OTOF: variants seen among roughly 807,000 people sequenced by gnomAD.
OTOF encodes the protein otoferlin.
A neutral mutation model predicts 236.8 loss-of-function variants in OTOF; 218 were observed. That is an observed-to-expected ratio of 0.92 (90% CI 0.82 to 1.03). The LOEUF (loss-of-function observed/expected upper bound fraction) is 1.03, where lower values mean the gene tolerates loss of function less well. Among genes scored for constraint, OTOF ranks in the 50% least tolerant of loss-of-function variants. The pLI is 0.00. For missense variants in OTOF, 2,590 were observed against 2,694.4 expected (o/e 0.96, Z 0.86); for synonymous variants, 1,041 against 1,072.5 (o/e 0.97, Z 0.57).
At chr2:26,498,557 A>G (rs1666044156) in intron 8 of OTOF, among the ~76,000 whole-genome samples, 1 of 152,190 alleles carries the variant, frequency 6.6e-6, no homozygotes, top group Non-Finnish European at 1.5e-5. Flanking sequence ...CAATTTTTCC[A>G]GGGTGGAAGA....
intron 24 of OTOF, 118 bp from the exon 25 acceptor site, chr2:26,475,611 T>A: frequency 8.7e-7 from 1 of 1,149,552 alleles, no homozygotes; most frequent in Non-Finnish European, 1.3e-6. Flanking sequence ...GTGACAGGTG[T>A]CTTGATTCTT....
chr2:26,462,118 G>A lies in OTOF; in HGVS notation c.5256C>T (p.Phe1752=), dbSNP rs367558375. ...DEVVLEDDDF[F]TGEKSSDIFV... is the part of the protein sequence containing the mutation. ...AGATGTCACTGGACTTCTCCCCTGTGAAGAAGTCGTCGTCCTCCAAGACCA... is the reference window on the plus strand; with the variant it reads ...AGATGTCACTGGACTTCTCCCCTGTAAAGAAGTCGTCGTCCTCCAAGACCA... The change falls in exon 42 of 47, where the codon TTC becomes TTT. Residue 1752 remains phenylalanine, a synonymous_variant. Transcript: ENST00000272371. This position sits in a 1 kb window ranked among gnomAD's most constrained non-coding sequence, Gnocchi z 4.7. The A allele has an allele frequency of 6.2e-6, 10 of 1,613,812 alleles. No individual in the cohort carries two copies. The African/African-American group carries it at 8.0e-5, about 13-fold the overall frequency.
rs1483062041 is a variant in OTOF, at chr2:26,480,873, G to A, written c.1716C>T (p.Gly572=). The A allele has an allele frequency of 3.1e-6, 5 of 1,613,000 alleles. No individual in the cohort carries two copies. The highest frequency in any genetic ancestry group is 3.3e-5 in the Admixed American group (2 of 60,020). Residue 572 remains glycine (G), a synonymous_variant, in exon 15 of 47, where the codon GGC becomes GGT. Coordinates refer to ENST00000272371, the MANE Select transcript of OTOF (RefSeq NM_194248.3). ...GVSFRARLLL[G]LAVEIVDTSN... is the part of the protein sequence containing the mutation. The stretch of plus-strand genomic sequence containing the variant: ...AGGTGTCTACGATCTCCACAGCCAG[G>A]CCCAGCAGGAGCCGGGCCCGGAAGG...
At chr2:26,536,945 G>A (rs1220142659) in intron 2 of OTOF, among the ~76,000 whole-genome samples, 1 of 152,210 alleles carries the variant, frequency 6.6e-6, no homozygotes, top group Non-Finnish European at 1.5e-5. Flanking sequence ...TGTGTGTGAG[G>A]ATAGGGCTCC....
chr2:26,459,922 G>A (rs1664377151), intron 46 of OTOF, 86 bp downstream of exon 46: 2 of 1,289,902 alleles, frequency 1.6e-6, no homozygotes, highest in Non-Finnish European at 2.2e-6. Flanking sequence ...GCATATTTGT[G>A]TTTGTGGATG....
At chr2:26,551,656 G>A (rs1013210003) in intron 1 of OTOF, among the ~76,000 whole-genome samples, 6 of 152,196 alleles carry the variant, frequency 3.9e-5, no homozygotes, top group African/African-American at 9.7e-5. Flanking sequence ...CCCCCAGTGC[G>A]TGGCACATGG....
At chr2:26,507,120 C>T (rs1666268936) in intron 5 of OTOF, among the ~76,000 whole-genome samples, 1 of 152,242 alleles carries the variant, frequency 6.6e-6, no homozygotes. Flanking sequence ...ACTGGTAGCA[C>T]TCCTGTGTGC....
rs750843731 is a variant in OTOF, at chr2:26,489,278, G to A, written c.978C>T (p.Asn326=). The A allele has an allele frequency of 1.6e-5, 25 of 1,612,572 alleles. No individual in the cohort carries two copies. The South Asian group carries it at 2.4e-4, about 16-fold the overall frequency. ...IIKISVIHSK[N]LLRSGTLVGS... Reference sequence around the variant, plus strand: ...CCACCAGGGTGCCACTGCGCAGCAGGTTCTTGGAGTGAATCACCTTTCAGG... The same window carrying A: ...CCACCAGGGTGCCACTGCGCAGCAGATTCTTGGAGTGAATCACCTTTCAGG... The change falls in exon 11 of 47, where the codon AAC becomes AAT. Residue 326 remains asparagine, a synonymous_variant. Coordinates refer to ENST00000272371, the MANE Select transcript of OTOF (RefSeq NM_194248.3).
intron 2 of OTOF, among the ~76,000 whole-genome samples, chr2:26,534,386 C>T (rs1667017330): frequency 6.6e-6 from 1 of 152,200 alleles, no homozygotes; most frequent in Non-Finnish European, 1.5e-5. Context: ...CTCTGTCTCT[C>T]CCTAGCTTTT....
chr2:26,500,622 G>A (rs758098944), intron 8 of OTOF, among the ~76,000 whole-genome samples: 4 of 152,170 alleles, frequency 2.6e-5, no homozygotes, highest in Non-Finnish European at 4.4e-5. Flanking sequence ...GGGCAGGTCC[G>A]TTTGACATTG....
At chr2:26,486,317 G>T (rs1034225445) in intron 11 of OTOF, among the ~76,000 whole-genome samples, 1 of 149,968 alleles carries the variant, frequency 6.7e-6, no homozygotes. Flanking sequence ...CGGGTGGGTG[G>T]GTGGATGGAT....
intron 8 of OTOF, 60 bp downstream of exon 8, chr2:26,501,694 G>A (rs1162007804): frequency 4.3e-6 from 5 of 1,167,546 alleles, no homozygotes; most frequent in Non-Finnish European, 5.2e-6. Flanking sequence ...TGCACATCCG[G>A]CTAGAATCCC....
intron 1 of OTOF, among the ~76,000 whole-genome samples, chr2:26,555,472 G>A (rs1667562447): frequency 6.6e-6 from 1 of 152,256 alleles, no homozygotes; most frequent in Non-Finnish European, 1.5e-5. Context: ...ACCAGCTTAG[G>A]AGCAGCCAGG....
At chr2:26,550,883 C>T (rs1196970868) in intron 1 of OTOF, among the ~76,000 whole-genome samples, 2 of 152,134 alleles carry the variant, frequency 1.3e-5, no homozygotes, top group Non-Finnish European at 2.9e-5. Flanking sequence ...TTGGCTGCGT[C>T]CCCCGTGCCC....
At chr2:26,507,148 G>C (rs1355786193) in intron 5 of OTOF, among the ~76,000 whole-genome samples, 1 of 152,220 alleles carries the variant, frequency 6.6e-6, no homozygotes, top group Non-Finnish European at 1.5e-5. Context: ...TATCTCAAAA[G>C]GATATTGTCT....
At chr2:26,556,696 TGAGGTCCTGA>T (rs899480759) in intron 1 of OTOF, among the ~76,000 whole-genome samples, 1 of 152,082 alleles carries the variant, frequency 6.6e-6, no homozygotes, top group African/African-American at 2.4e-5. Flanking sequence ...GTACTCAGGA[TGAGGTCCTGA>T]GAGCTGGGAC....
chr2:26,475,892 C>A, intron 24 of OTOF, 22 bp downstream of exon 24: 2 of 1,589,716 alleles, frequency 1.3e-6, no homozygotes, highest in African/African-American at 1.3e-5. Context: ...GCCAGAGCCA[C>A]TCCCTCCTCC....
At chr2:26,486,473 G>A (rs933485532) in intron 11 of OTOF, among the ~76,000 whole-genome samples, 2 of 152,188 alleles carry the variant, frequency 1.3e-5, no homozygotes, top group African/African-American at 4.8e-5. Flanking sequence ...TACAGGGGTA[G>A]ATGTATAGAG....
chr2:26,479,188 T>C, intron 18 of OTOF, 76 bp downstream of exon 18: 1 of 1,537,104 alleles, frequency 6.5e-7, no homozygotes, highest in Non-Finnish European at 8.8e-7. Context: ...CAGCTTTGTG[T>C]GTTCCAGGGA....
Sources: gnomAD v4.1 joint callset for allele counts (sites outside exome capture counted in the v4.1 genomes callset) on GRCh38, gnomAD v4.1.1 for gene constraint, Gnocchi (gnomAD v3.1) non-coding constraint, MANE v1.5 for transcripts, NCBI Gene and HGNC (gene_info 2026-07-23, HGNC 2026-07-21) for gene names.